The following ZNG1B variants were observed in gnomAD, a reference collection of about 807,000 sequenced individuals.
The protein encoded by ZNG1B is zinc-regulated GTPase metalloprotein activator 1B.
the ZNG1B span, chr2:113,460,608 C>T: frequency 3.4e-5 from 50 of 1,463,974 alleles, no homozygotes; most frequent in Non-Finnish European, 4.3e-5. Flanking sequence ...AAGTAAAATC[C>T]TTTGTGTTGA....
chr2:113,471,713 A>G, the ZNG1B span, among the ~76,000 whole-genome samples: 4 of 143,836 alleles, frequency 2.8e-5, no homozygotes, highest in African/African-American at 5.2e-5. Flanking sequence ...ATTCCCACCT[A>G]TGAGTGAGAA....
At chr2:113,439,905 G>A in the ZNG1B span, among the ~76,000 whole-genome samples, 1 of 47,526 alleles carries the variant, frequency 2.1e-5, no homozygotes, top group African/African-American at 7.5e-5. Flanking sequence ...TTTTTTTTGA[G>A]ACGGAGTCTC....
At chr2:113,466,681 G>C in the ZNG1B span, 1 of 985,412 alleles carries the variant, frequency 1.0e-6, no homozygotes, top group Admixed American at 6.1e-5. Flanking sequence ...GATGTCCTGA[G>C]TAGAATTCTT....
the ZNG1B span, among the ~76,000 whole-genome samples, chr2:113,485,891 A>G: frequency 6.6e-6 from 1 of 152,072 alleles, no homozygotes; most frequent in African/African-American, 2.4e-5. Context: ...TTGTTCCTAA[A>G]TTTTATTTTA....
chr2:113,442,302 A>G, the ZNG1B span, among the ~76,000 whole-genome samples: 10 of 151,220 alleles, frequency 6.6e-5, no homozygotes, highest in Admixed American at 3.3e-4. Flanking sequence ...CTCTAGACAC[A>G]ATACTTCTGT....
the ZNG1B span, among the ~76,000 whole-genome samples, chr2:113,476,300 C>CA: frequency 6.6e-6 from 1 of 151,888 alleles, no homozygotes; most frequent in East Asian, 1.9e-4. Context: ...GAGGCTTCTG[C>CA]ATTCTTCACG....
At chr2:113,444,976 T>C in the ZNG1B span, 21 of 1,610,578 alleles carry the variant, frequency 1.3e-5, no homozygotes, top group Non-Finnish European at 1.8e-5. Context: ...ACAATGGCCT[T>C]AGAGCTATTG....
At chr2:113,451,575 T>A in the ZNG1B span, among the ~76,000 whole-genome samples, 451 of 147,926 alleles carry the variant, frequency 3.0e-3, 5 homozygotes, top group African/African-American at 0.011. Flanking sequence ...ATTCCCCTAG[T>A]TAAGACAACC....
chr2:113,485,273 C>G, the ZNG1B span, among the ~76,000 whole-genome samples: 1 of 135,358 alleles, frequency 7.4e-6, no homozygotes, highest in Non-Finnish European at 1.5e-5. Context: ...GTCTCTGGTA[C>G]AGAAGTCTTA....
the ZNG1B span, among the ~76,000 whole-genome samples, chr2:113,489,630 A>C: frequency 6.6e-6 from 1 of 152,310 alleles, no homozygotes; most frequent in East Asian, 1.9e-4. Flanking sequence ...CACCTAACAC[A>C]TAAGGACTCA....
At chr2:113,456,466 ATTT>A in the ZNG1B span, among the ~76,000 whole-genome samples, 1 of 140,330 alleles carries the variant, frequency 7.1e-6, no homozygotes, top group African/African-American at 2.7e-5. Flanking sequence ...TTTTTTTTTT[ATTT>A]TGATAGACTG....
chr2:113,459,381 C>T, the ZNG1B span, among the ~76,000 whole-genome samples: 1 of 151,308 alleles, frequency 6.6e-6, no homozygotes, highest in African/African-American at 2.4e-5. Context: ...ATTCAGATAC[C>T]CCTAATGATC....
the ZNG1B span, among the ~76,000 whole-genome samples, chr2:113,487,522 G>A: frequency 6.6e-6 from 1 of 151,652 alleles, no homozygotes; most frequent in Non-Finnish European, 1.5e-5. Context: ...CCATTGAACA[G>A]CCCCTCCCAA....
At chr2:113,462,906 T>G in the ZNG1B span, 3 of 226,112 alleles carry the variant, frequency 1.3e-5, no homozygotes, top group African/African-American at 2.4e-5. Context: ...GTTCTGTTTT[T>G]TTTTTTTTTT....
At chr2:113,463,289 G>A in the ZNG1B span, among the ~76,000 whole-genome samples, 2 of 152,126 alleles carry the variant, frequency 1.3e-5, no homozygotes, top group Non-Finnish European at 1.5e-5. Context: ...GAGACATTCG[G>A]TAGCTATTAT....
chr2:113,460,321 TG>T, the ZNG1B span, among the ~76,000 whole-genome samples: 1 of 152,192 alleles, frequency 6.6e-6, no homozygotes, highest in Admixed American at 6.5e-5. Flanking sequence ...AGAACAGTTT[TG>T]TAAGAAGGAA....
chr2:113,465,265 A>G, the ZNG1B span: 150 of 421,194 alleles, frequency 3.6e-4, 1 homozygote, highest in East Asian at 6.9e-3. Flanking sequence ...TGATTCTAAT[A>G]TAAGAAAGAT....
the ZNG1B span, among the ~76,000 whole-genome samples, chr2:113,477,288 C>T: frequency 6.6e-6 from 1 of 152,278 alleles, no homozygotes; most frequent in East Asian, 1.9e-4. Flanking sequence ...CTTCCAGGTG[C>T]CGTCTGTCAC....
chr2:113,490,253 T>A, the ZNG1B span, among the ~76,000 whole-genome samples: 2 of 152,198 alleles, frequency 1.3e-5, no homozygotes, highest in Admixed American at 6.5e-5. Flanking sequence ...TGCTCCTGAA[T>A]GATCACTGGG....
Sources: gnomAD v4.1 joint callset for allele counts (sites outside exome capture counted in the v4.1 genomes callset) on GRCh38, gnomAD v4.1.1 for gene constraint, MANE v1.5 for transcripts, NCBI Gene and HGNC (gene_info 2026-07-23, HGNC 2026-07-21) for gene names.